KLHL1: variants seen among roughly 807,000 people sequenced by gnomAD.
The protein encoded by KLHL1 is kelch like family member 1.
KLHL1 carries 47 observed loss-of-function variants against 77.7 expected under a neutral mutation model. That is an observed-to-expected ratio of 0.60 (90% CI 0.48 to 0.77). The LOEUF is 0.77. Ranked by LOEUF, KLHL1 falls within the 30% of genes least tolerant of loss-of-function variation. KLHL1 has a pLI of 0.00. For synonymous variants in KLHL1, 360 were observed against 325.2 expected, an observed-to-expected ratio of 1.11 and a Z score of -1.15; for missense variants, 925 against 910.8, an observed-to-expected ratio of 1.02 and a Z score of -0.20.
At position 69,945,144 on chromosome 13, in the gene KLHL1, C is replaced by A. The variant is rs574996148; in HGVS notation, c.818-4908G>T. On this transcript the variant is annotated intron_variant, in intron 3 of 10. Transcript: ENST00000377844. ...GGGATTACAGTCACCCGCCACCACG[C>A]CCAGCTAATTTTTTGTATGTTTAGA... Among the ~76,000 whole-genome samples, 3 of 151,624 alleles carry A rather than the reference C, an allele frequency of 2.0e-5. No homozygotes were observed. In the East Asian group the frequency reaches 5.8e-4, roughly 29 times the overall value.
Position 69,771,599 on chromosome 13 carries a change from C to T in KLHL1, c.1639+25139G>A, listed in dbSNP as rs550474826. Among the ~76,000 whole-genome samples, 11 of 152,262 alleles carry T rather than the reference C, an allele frequency of 7.2e-5. No individual in the cohort carries two copies. The South Asian group carries it at 1.0e-3, about 14-fold the overall frequency. Reference sequence around the variant, plus strand: ...TGTTAGCATAGATTCACTTTAGCCGCTTCTAGTAAGAAGTAGTTATGAAAG... The same window carrying T: ...TGTTAGCATAGATTCACTTTAGCCGTTTCTAGTAAGAAGTAGTTATGAAAG... On this transcript the variant is annotated intron_variant, in intron 7 of 10. Transcript: ENST00000377844.
intron 3 of KLHL1, among the ~76,000 whole-genome samples, chr13:69,948,595 A>G (rs1883604304): frequency 6.6e-6 from 1 of 152,028 alleles, no homozygotes; most frequent in Admixed American, 6.6e-5. Context: ...AATCTTCCAA[A>G]TATGTATGAG....
chr13:70,056,671 A>G (rs1886752126), intron 1 of KLHL1, among the ~76,000 whole-genome samples: 2 of 152,164 alleles, frequency 1.3e-5, no homozygotes, highest in Non-Finnish European at 2.9e-5. Flanking sequence ...AACAAGAGGT[A>G]CTTCGGAAAC....
At chr13:70,026,851 A>G (rs563241257) in intron 1 of KLHL1, among the ~76,000 whole-genome samples, 1 of 143,730 alleles carries the variant, frequency 7.0e-6, no homozygotes, top group South Asian at 2.3e-4. Flanking sequence ...AACAAAGTAT[A>G]TATTAAAAAA....
At chr13:69,985,837 T>A (rs949542484) in intron 1 of KLHL1, among the ~76,000 whole-genome samples, 2 of 134,806 alleles carry the variant, frequency 1.5e-5, no homozygotes, top group Non-Finnish European at 3.1e-5. Flanking sequence ...ATATCTTATG[T>A]GTGTGTATAG....
chr13:69,741,078 G>A (rs1298588764), intron 7 of KLHL1, among the ~76,000 whole-genome samples: 1 of 152,046 alleles, frequency 6.6e-6, no homozygotes, highest in African/African-American at 2.4e-5. Context: ...CTGTGCTTTG[G>A]TTTCCCAAAA....
intron 7 of KLHL1, among the ~76,000 whole-genome samples, chr13:69,784,235 A>G (rs1398905870): frequency 6.6e-6 from 1 of 152,234 alleles, no homozygotes; most frequent in African/African-American, 2.4e-5. Context: ...AAAACATGCC[A>G]AAATGTAAAG....
chr13:69,974,533 G>A (rs1884486732), intron 2 of KLHL1, among the ~76,000 whole-genome samples: 1 of 151,760 alleles, frequency 6.6e-6, no homozygotes, highest in Non-Finnish European at 1.5e-5. Flanking sequence ...GAATTAAGAT[G>A]AATAAAAGAC....
At chr13:69,840,883 T>C (rs1191045354) in intron 5 of KLHL1, among the ~76,000 whole-genome samples, 1 of 151,800 alleles carries the variant, frequency 6.6e-6, no homozygotes, top group Non-Finnish European at 1.5e-5. Context: ...ACAATGACTC[T>C]TGATCATCTG....
chr13:69,991,419 G>T (rs949421145), intron 1 of KLHL1, among the ~76,000 whole-genome samples: 3 of 151,428 alleles, frequency 2.0e-5, no homozygotes, highest in East Asian at 1.9e-4. Flanking sequence ...CAAAAAACAG[G>T]ATAGGCTGCT....
At chr13:70,046,435 G>A (rs900729429) in intron 1 of KLHL1, among the ~76,000 whole-genome samples, 1 of 152,106 alleles carries the variant, frequency 6.6e-6, no homozygotes, top group Non-Finnish European at 1.5e-5. Flanking sequence ...TCTAGACTTG[G>A]ACCCAGGTTC....
At chr13:69,717,411 G>A (rs546192641) in intron 9 of KLHL1, among the ~76,000 whole-genome samples, 1 of 152,240 alleles carries the variant, frequency 6.6e-6, no homozygotes, top group East Asian at 1.9e-4. Context: ...CTGATGGGTA[G>A]TATGAGCTAG....
chr13:69,797,457 T>C (rs1471807411), intron 6 of KLHL1, among the ~76,000 whole-genome samples: 3 of 152,130 alleles, frequency 2.0e-5, no homozygotes, highest in Non-Finnish European at 4.4e-5. Flanking sequence ...GTTTTAAAAG[T>C]CAATTGTAAG....
At chr13:70,068,561 A>C (rs573500650) in intron 1 of KLHL1, among the ~76,000 whole-genome samples, 1 of 152,272 alleles carries the variant, frequency 6.6e-6, no homozygotes, top group Admixed American at 6.5e-5. Flanking sequence ...TTCCAATATT[A>C]TATTTCCAGT....
rs551075501 is a variant in KLHL1 at position 69,785,601 on chromosome 13, GA to G, written c.1639+11136del. 2.0e-4 allele frequency among the ~76,000 whole-genome samples: 29 copies of G among 141,722 alleles called. 2 individuals carry two copies. In the South Asian group the frequency reaches 5.8e-3, roughly 28 times the overall value. The allele number at this position is 141,722 out of a possible 152,430, so 93.0% of individuals were successfully genotyped here. A position where few individuals can be genotyped will look rare whatever the true frequency, so the allele number is the denominator to read the frequency against. ...ACCCTAAGATCACAATTAAAAACTAGAAAAGCAAGAGCAAACGCATTCAAAA... is the reference window on the plus strand; with the variant it reads ...ACCCTAAGATCACAATTAAAAACTAGAAAGCAAGAGCAAACGCATTCAAAA... On this transcript the variant is annotated intron_variant, in intron 7 of 10. Transcript: ENST00000377844.
At chr13:69,991,409 C>CA (rs976136033) in intron 1 of KLHL1, among the ~76,000 whole-genome samples, 2 of 151,200 alleles carry the variant, frequency 1.3e-5, no homozygotes, top group Non-Finnish European at 3.0e-5. Context: ...ACAACAACAA[C>CA]AAAAAACAGG....
chr13:69,709,613 GT>G (rs1255086211), intron 9 of KLHL1, among the ~76,000 whole-genome samples: 1 of 151,314 alleles, frequency 6.6e-6, no homozygotes, highest in Non-Finnish European at 1.5e-5. Context: ...AATTATTGAA[GT>G]TTTTATTAGC....
At chr13:69,929,937 A>G (rs1302094459) in intron 4 of KLHL1, among the ~76,000 whole-genome samples, 1 of 151,896 alleles carries the variant, frequency 6.6e-6, no homozygotes, top group Non-Finnish European at 1.5e-5. Context: ...GAAGGCTACT[A>G]TTGAATGAAG....
At chr13:70,107,077 AG>A (rs1888078969) in intron 1 of KLHL1, 125 bp downstream of exon 1, 2 of 1,376,000 alleles carry the variant, frequency 1.5e-6, no homozygotes, top group Admixed American at 2.7e-5. Context: ...AATCAAAACC[AG>A]GGTGGCATCT....
Sources: allele counts gnomAD v4.1 joint callset (sites outside exome capture counted in the v4.1 genomes callset), GRCh38; gene constraint gnomAD v4.1.1; transcripts MANE v1.5; gene names NCBI Gene and HGNC (gene_info 2026-07-23, HGNC 2026-07-21).